The following TKFC variants were observed in gnomAD, a reference collection of about 807,000 sequenced individuals.
The protein encoded by TKFC is triokinase/FMN cyclase.
TKFC carries 46 observed loss-of-function variants against 61.0 expected under a neutral mutation model. The observed-to-expected ratio is 0.75, with a 90% CI of 0.60 to 0.96. The LOEUF is 0.96. Ranked by LOEUF, TKFC falls within the 50% of genes least tolerant of loss-of-function variation. The pLI, the probability that TKFC is intolerant of heterozygous loss-of-function variation, is 0.00. For missense variants in TKFC, 715 were observed against 777.5 expected (o/e 0.92, Z 0.96); for synonymous variants, 314 against 330.1 (o/e 0.95, Z 0.53).
chr11:61,352,941 T>C, downstream of TKFC: 1 of 1,613,958 alleles, frequency 6.2e-7, no homozygotes, highest in Non-Finnish European at 8.5e-7. Flanking sequence ...GAAGACCCTA[T>C]TCCCTCCTCT....
chr11:61,353,272 C>T (rs1350672133), downstream of TKFC: 8 of 1,161,106 alleles, frequency 6.9e-6, no homozygotes, highest in Middle Eastern at 2.9e-4. Flanking sequence ...CCTGGCATTG[C>T]CCACTACCGT....
chr11:61,349,346 C>G (rs367724244), downstream of TKFC: 8 of 562,088 alleles, frequency 1.4e-5, no homozygotes, highest in East Asian at 1.8e-4. Flanking sequence ...CTGCTGCACA[C>G]TGGACACCAC....
At chr11:61,337,455 T>C (rs1289120803) in intron 2 of TKFC, among the ~76,000 whole-genome samples, 1 of 152,214 alleles carries the variant, frequency 6.6e-6, no homozygotes, top group Non-Finnish European at 1.5e-5. Flanking sequence ...CTGTTATCTC[T>C]ACACATAGTG....
chr11:61,342,779 A>C lies in TKFC; in HGVS notation c.800A>C (p.Asn267Thr), dbSNP rs771019668. Reference protein sequence around the residue: ...QPGSSVVMMVNNLGGLSFLEL... With the variant: ...QPGSSVVMMVTNLGGLSFLEL... The stretch of plus-strand genomic sequence containing the variant: ...GGCTCCTCAGTTGTGATGATGGTCA[A>C]CAACCTGGGTGGCCTGTCATTCCTG... Residue 267 changes from asparagine (N) to threonine (T), a missense_variant, in exon 10 of 18, where the codon AAC becomes ACC. Coordinates refer to ENST00000394900, the MANE Select transcript of TKFC (RefSeq NM_015533.4). 2.5e-6 allele frequency: 4 copies of C among 1,613,892 alleles called. No homozygotes were observed. The Admixed American group carries it at 6.7e-5, about 27-fold the overall frequency.
downstream of TKFC, chr11:61,352,807 C>T (rs1033572135): frequency 2.8e-6 from 4 of 1,445,744 alleles, no homozygotes; most frequent in African/African-American, 5.7e-5. Flanking sequence ...CAATAAATAT[C>T]TGCTGACTTA....
intron 11 of TKFC, 56 bp from the exon 12 acceptor site, chr11:61,343,800 C>T: frequency 1.6e-5 from 25 of 1,575,938 alleles, no homozygotes; most frequent in Non-Finnish European, 2.1e-5. Flanking sequence ...GGTCCAAGCC[C>T]TGCTGAATCC....
At chr11:61,353,382 T>A, downstream of TKFC, 1 of 608,638 alleles carries the variant, frequency 1.6e-6, no homozygotes, top group Non-Finnish European at 2.9e-6. Flanking sequence ...ACCTTGTTTG[T>A]CTCTGGTTCC....
chr11:61,342,668 C>G lies in TKFC; in HGVS notation c.775+10C>G, dbSNP rs201725634. 6.2e-7 allele frequency: 1 copy of G among 1,613,936 alleles called. No homozygotes were observed. The highest frequency in any genetic ancestry group is 1.7e-5 in the Admixed American group (1 of 60,014). Reference sequence around the variant, plus strand: ...GTGCCTGTGCAGCCCGGTGGGTAGCCTCTCGCCCGCGTCTCCCAACCCCTC... The same window carrying G: ...GTGCCTGTGCAGCCCGGTGGGTAGCGTCTCGCCCGCGTCTCCCAACCCCTC... On this transcript the variant is annotated intron_variant, in intron 9 of 17. Transcript: ENST00000394900.
In TKFC at chr11:61,346,231, G is replaced by A; in HGVS notation, c.1576-120G>A. On this transcript the variant is annotated intron_variant, in intron 17 of 17. Transcript: ENST00000394900. This position sits in a 1 kb window ranked among gnomAD's most constrained non-coding sequence, Gnocchi z 4.1. Reference sequence around the variant, plus strand: ...ATTTGGTGACAGAGCAGAGGGTGCTGGCAGAGCCAGGGCAAGGGCGTGCAG... The same window carrying A: ...ATTTGGTGACAGAGCAGAGGGTGCTAGCAGAGCCAGGGCAAGGGCGTGCAG... 6.4e-7 allele frequency: 1 copy of A among 1,555,926 alleles called. No individual in the cohort carries two copies. Among genetic ancestry groups the A allele is most frequent in the Non-Finnish European group, 8.6e-7 (1 of 1,157,712 alleles).
chr11:61,353,001 T>G, downstream of TKFC: 1 of 1,613,998 alleles, frequency 6.2e-7, no homozygotes, highest in Non-Finnish European at 8.5e-7. Flanking sequence ...AAGAAAAGCT[T>G]CTCATTAATG....
intron 16 of TKFC, 35 bp downstream of exon 16, chr11:61,345,780 CT>C: frequency 6.2e-7 from 1 of 1,614,218 alleles, no homozygotes; most frequent in South Asian, 1.1e-5. Context: ...GACCTTTCTC[CT>C]TTTGGCCCTG....
chr11:61,345,244 C>T lies in TKFC; in HGVS notation c.1241-16C>T. ...GGAGGATCTCTGAATTCCTCCCCAT[C>T]TCTCTCTGCCTGCAGCAATCCAGGA... On this transcript the variant is annotated splice_polypyrimidine_tract_variant and intron_variant, in intron 13 of 17. Transcript: ENST00000394900. 1.3e-6 allele frequency: 2 copies of T among 1,513,206 alleles called. No homozygotes were observed. The highest frequency in any genetic ancestry group is 1.8e-6 in the Non-Finnish European group (2 of 1,125,580). The allele number at this position is 1,513,206 out of a possible 1,614,324, so 93.7% of individuals were successfully genotyped here.
rs1222082021 is a variant in TKFC, at chr11:61,347,937, C to G, written c.*1434C>G. 3.0e-6 allele frequency: 3 copies of G among 985,288 alleles called. No homozygotes were observed. Among genetic ancestry groups the G allele is most frequent in the East Asian group, 1.1e-4 (1 of 8,830 alleles). The allele number at this position is 985,288 out of a possible 1,614,324, so 61.0% of individuals were successfully genotyped here. On this transcript the variant is annotated 3_prime_UTR_variant, in exon 18 of 18. Coordinates refer to ENST00000394900, the MANE Select transcript of TKFC (RefSeq NM_015533.4). Reference sequence around the variant, plus strand: ...CAGGGGTTGGGCCCCCAGCCCCTCCCAGGTCATCTGCTCTACCACTAGCTG... The same window carrying G: ...CAGGGGTTGGGCCCCCAGCCCCTCCGAGGTCATCTGCTCTACCACTAGCTG...
chr11:61,345,649 A>C, intron 15 of TKFC, 63 bp from the exon 16 acceptor site: 1 of 1,613,838 alleles, frequency 6.2e-7, no homozygotes, highest in Non-Finnish European at 8.5e-7. Flanking sequence ...GCCCTAGCCC[A>C]ACCCTCAGAG....
At chr11:61,351,280 CTTTCTT>C, downstream of TKFC, 1 of 718,932 alleles carries the variant, frequency 1.4e-6, no homozygotes, top group Non-Finnish European at 2.0e-6. Flanking sequence ...TTTTAACACC[CTTTCTT>C]TTTTTTTTTT....
chr11:61,347,183 A>T lies in TKFC; in HGVS notation c.*680A>T. On this transcript the variant is annotated 3_prime_UTR_variant, in exon 18 of 18. Transcript: ENST00000394900. ...TAATTCAGTGGCTCCTCGGGAGTCGAATGGGCATTTGGGACACCAGAAGGA... is the reference window on the plus strand; with the variant it reads ...TAATTCAGTGGCTCCTCGGGAGTCGTATGGGCATTTGGGACACCAGAAGGA... 1 of 985,468 alleles carries T rather than the reference A, an allele frequency of 1.0e-6. No individual in the cohort carries two copies. The highest frequency in any genetic ancestry group is 1.2e-6 in the Non-Finnish European group (1 of 829,974). The allele number at this position is 985,468 out of a possible 1,614,324, so 61.0% of individuals were successfully genotyped here. A position where few individuals can be genotyped will look rare whatever the true frequency, so the allele number is the denominator to read the frequency against.
Position 61,346,401 on chromosome 11 carries a change from A to G in TKFC, c.1626A>G (p.Gly542=), listed in dbSNP as rs1056384700. 6.8e-6 allele frequency: 11 copies of G among 1,612,490 alleles called. No homozygotes were observed. The highest frequency in any genetic ancestry group is 9.3e-6 in the Non-Finnish European group (11 of 1,179,964). Residue 542 remains glycine, a synonymous_variant, in exon 18 of 18, where the codon GGA becomes GGG. Coordinates refer to ENST00000394900, the MANE Select transcript of TKFC (RefSeq NM_015533.4). The surrounding 1 kb of genome is among the most constrained non-coding windows in gnomAD (Gnocchi z 4.1). Reference sequence around the variant, plus strand: ...CCAAGAATATGGAAGCTGGAGCCGGAAGAGCCAGTTATATCAGCTCAGCAC... The same window carrying G: ...CCAAGAATATGGAAGCTGGAGCCGGGAGAGCCAGTTATATCAGCTCAGCAC... ...EATKNMEAGA[G]RASYISSARL...
chr11:61,345,590 A>G, intron 15 of TKFC, 25 bp downstream of exon 15: 3 of 1,611,678 alleles, frequency 1.9e-6, no homozygotes, highest in Non-Finnish European at 2.5e-6. Flanking sequence ...TGTGCATCAG[A>G]CCAGGGGTGG....
At chr11:61,341,780 C>CT (rs1218638234) in intron 6 of TKFC, 43 bp from the exon 7 acceptor site, 1 of 1,568,066 alleles carries the variant, frequency 6.4e-7, no homozygotes, top group Admixed American at 1.7e-5. Context: ...ATGCCCAGTG[C>CT]TAAGAGTGGA....
Sources: allele counts gnomAD v4.1 joint callset (sites outside exome capture counted in the v4.1 genomes callset), GRCh38; gene constraint gnomAD v4.1.1; non-coding constraint Gnocchi (gnomAD v3.1); transcripts MANE v1.5; gene names NCBI Gene and HGNC (gene_info 2026-07-23, HGNC 2026-07-21).